The following THAP4 variants were observed in gnomAD, a reference collection of about 807,000 sequenced individuals.
THAP4 encodes the protein peroxynitrite isomerase THAP4.
THAP4 carries 18 observed loss-of-function variants against 48.1 expected under a neutral mutation model. The ratio of observed to expected loss-of-function variants is 0.37; its 90% CI spans 0.26 to 0.56. The LOEUF (loss-of-function observed/expected upper bound fraction) is 0.56. Ranked by LOEUF, THAP4 falls within the 20% of genes least tolerant of loss-of-function variation. The pLI, the probability that THAP4 is intolerant of heterozygous loss-of-function variation, is 0.78. For synonymous variants in THAP4, 345 were observed against 324.9 expected, an observed-to-expected ratio of 1.06 and a Z score of -0.66; for missense variants, 656 against 774.9, an observed-to-expected ratio of 0.85 and a Z score of 1.82.
At chr2:241,617,095 A>C (rs1227030428) in intron 2 of THAP4, among the ~76,000 whole-genome samples, 1 of 152,198 alleles carries the variant, frequency 6.6e-6, no homozygotes, top group Non-Finnish European at 1.5e-5. Flanking sequence ...TCCAAACATC[A>C]GGTTACTTGA....
At chr2:241,588,054 A>G (rs2066914513) in intron 5 of THAP4, among the ~76,000 whole-genome samples, 1 of 151,928 alleles carries the variant, frequency 6.6e-6, no homozygotes, top group African/African-American at 2.4e-5. Flanking sequence ...GGAGGGAGGG[A>G]AGGAAAAGAA....
At position 241,607,891 on chromosome 2, in the gene THAP4, G is replaced by C. The variant is rs2067205725; in HGVS notation, c.1241-1418C>G. On this transcript the variant is annotated intron_variant, in intron 2 of 5. Coordinates refer to ENST00000407315, the MANE Select transcript of THAP4 (RefSeq NM_015963.6). ...CAGTGTCTCCTCCAGGCCCGCGCAA[G>C]CAGAAGACAGCTGACGGGGACAGGA... is the stretch of plus-strand genomic sequence containing the variant. Among the ~76,000 whole-genome samples the C allele has an allele frequency of 1.6e-5, 2 of 125,538 alleles. 1 individual carries two copies. The highest frequency in any genetic ancestry group is 3.3e-5 in the Non-Finnish European group (2 of 60,578). The allele number at this position is 125,538 out of a possible 152,430, so 82.4% of individuals were successfully genotyped here. A position where few individuals can be genotyped will look rare whatever the true frequency, so the allele number is the denominator to read the frequency against.
upstream of THAP4, chr2:241,637,267 C>T: frequency 1.8e-6 from 2 of 1,093,592 alleles, no homozygotes; most frequent in African/African-American, 1.7e-5. Context: ...GCAGGCCCCT[C>T]GCAGCGTCCG....
intron 2 of THAP4, among the ~76,000 whole-genome samples, chr2:241,629,022 T>C (rs750507541): frequency 6.7e-6 from 1 of 148,264 alleles, no homozygotes; most frequent in Non-Finnish European, 1.5e-5. Context: ...ACCAGTAAAA[T>C]GTATACTTCA....
chr2:241,629,847 C>T (rs1338326842), intron 2 of THAP4, among the ~76,000 whole-genome samples: 1 of 151,646 alleles, frequency 6.6e-6, no homozygotes, highest in Non-Finnish European at 1.5e-5. Context: ...CCTCACCTTT[C>T]CTGGAAATCA....
chr2:241,637,448 C>T, upstream of THAP4: 15 of 1,472,956 alleles, frequency 1.0e-5, no homozygotes, highest in Non-Finnish European at 1.3e-5. Flanking sequence ...GGAAGCGCCA[C>T]CCATGGCACA....
At chr2:241,636,743 G>A (rs1318318567) in intron 1 of THAP4, among the ~76,000 whole-genome samples, 198 bp downstream of exon 1, 1 of 151,224 alleles carries the variant, frequency 6.6e-6, no homozygotes, top group Non-Finnish European at 1.5e-5. Flanking sequence ...GCCGGGGTGG[G>A]GGCGGCTGCG....
intron 5 of THAP4, among the ~76,000 whole-genome samples, chr2:241,589,575 C>T (rs2066932368): frequency 1.3e-5 from 2 of 152,094 alleles, no homozygotes; most frequent in African/African-American, 4.8e-5. Flanking sequence ...ACTCAAAGGC[C>T]AACCCTTGGC....
intron 5 of THAP4, among the ~76,000 whole-genome samples, chr2:241,590,438 C>G (rs1171626991): frequency 6.7e-6 from 1 of 149,750 alleles, no homozygotes; most frequent in African/African-American, 2.5e-5. Flanking sequence ...CACTAGGACA[C>G]GCAGAGCTGC....
chr2:241,627,875 G>T (rs139430950), intron 2 of THAP4, among the ~76,000 whole-genome samples: 274 of 152,230 alleles, frequency 1.8e-3, no homozygotes, highest in Middle Eastern at 6.8e-3. Flanking sequence ...ATGCAGGGTG[G>T]TGCCTGCACC....
At position 241,616,221 on chromosome 2, in the gene THAP4, T is replaced by C. The variant is rs2125087745; in HGVS notation, c.1241-9748A>G. ...GGCCCGGGCTTTCTGCCTCGACGAC[T>C]AGCCCAAGGGAGATGGAAATGAGAG... On this transcript the variant is annotated intron_variant, in intron 2 of 5. Coordinates refer to ENST00000407315, the MANE Select transcript of THAP4 (RefSeq NM_015963.6). This position sits in a 1 kb window ranked among gnomAD's most constrained non-coding sequence, Gnocchi z 4.6. 6.6e-6 allele frequency among the ~76,000 whole-genome samples: 1 copy of C among 152,274 alleles called. No homozygotes were observed. Among genetic ancestry groups the C allele is most frequent in the East Asian group, 1.9e-4 (1 of 5,182 alleles).
At chr2:241,637,388 A>G (rs777561851), upstream of THAP4, 6 of 1,413,820 alleles carry the variant, frequency 4.2e-6, no homozygotes, top group South Asian at 7.6e-5. Context: ...GGACGGGGAC[A>G]GAGCTCGCCT....
intron 5 of THAP4, among the ~76,000 whole-genome samples, chr2:241,597,536 T>C (rs982023438): frequency 1.3e-5 from 2 of 152,206 alleles, no homozygotes; most frequent in African/African-American, 4.8e-5. Flanking sequence ...ACACTGACTT[T>C]GTATTTGGCT....
chr2:241,590,439 G>T (rs77197535), intron 5 of THAP4, among the ~76,000 whole-genome samples: 440 of 39,332 alleles, frequency 0.011, no homozygotes, highest in South Asian at 0.063. Flanking sequence ...ACTAGGACAC[G>T]CAGAGCTGCT....
chr2:241,601,766 G>T lies in THAP4; in HGVS notation c.1614+130C>A. The T allele has an allele frequency of 6.6e-7, 1 of 1,514,248 alleles. No individual in the cohort carries two copies. The highest frequency in any genetic ancestry group is 8.9e-7 in the Non-Finnish European group (1 of 1,117,954). 93.8% of individuals were successfully genotyped at this position (1,514,248 alleles called of 1,614,324 possible). On this transcript the variant is annotated intron_variant, in intron 5 of 5. Coordinates refer to ENST00000407315, the MANE Select transcript of THAP4 (RefSeq NM_015963.6). The surrounding 1 kb of genome is among the most constrained non-coding windows in gnomAD (Gnocchi z 4.0). Reference sequence around the variant, plus strand: ...GGATGGTCCGAGAAGGGAAAAGAAGGAGACAGTGAAGACAGGCCTGTGAGA... The same window carrying T: ...GGATGGTCCGAGAAGGGAAAAGAAGTAGACAGTGAAGACAGGCCTGTGAGA...
intron 4 of THAP4, among the ~76,000 whole-genome samples, 187 bp downstream of exon 4, chr2:241,602,783 G>A (rs796824561): frequency 1.1e-4 from 16 of 152,346 alleles, no homozygotes; most frequent in African/African-American, 3.6e-4. Context: ...GTGTGCCGGA[G>A]GCCCCTACAG....
rs140072337 is a variant in THAP4, at chr2:241,598,907, G to A, written c.1614+2989C>T. Among the ~76,000 whole-genome samples the A allele has an allele frequency of 9.8e-3, 1,463 of 149,616 alleles. 19 individuals are homozygous for A. Among genetic ancestry groups the A allele is most frequent in the African/African-American group, 0.034 (1,396 of 40,464 alleles). On this transcript the variant is annotated intron_variant, in intron 5 of 5. Transcript: ENST00000407315. Reference sequence around the variant, plus strand: ...ACCTGAAAAAGACTGCCTTTACCAAGATACGCACCTGCACTGGAAAAAAAA... The same window carrying A: ...ACCTGAAAAAGACTGCCTTTACCAAAATACGCACCTGCACTGGAAAAAAAA...
At chr2:241,586,697 A>G (rs994619972) in intron 5 of THAP4, among the ~76,000 whole-genome samples, 8 of 152,340 alleles carry the variant, frequency 5.3e-5, no homozygotes, top group Admixed American at 5.2e-4. Flanking sequence ...CAACTGAAAA[A>G]CATAATAACT....
intron 5 of THAP4, among the ~76,000 whole-genome samples, chr2:241,589,703 A>AC (rs397988431): frequency 1.3e-5 from 2 of 151,736 alleles, no homozygotes; most frequent in African/African-American, 4.8e-5. Context: ...AGGAAAAAAA[A>AC]CATGTGTCCA....
Sources: gnomAD v4.1 joint callset for allele counts (sites outside exome capture counted in the v4.1 genomes callset) on GRCh38, gnomAD v4.1.1 for gene constraint, Gnocchi (gnomAD v3.1) non-coding constraint, MANE v1.5 for transcripts, NCBI Gene and HGNC (gene_info 2026-07-23, HGNC 2026-07-21) for gene names.